GLB1: variants seen among roughly 807,000 people sequenced by gnomAD.
GLB1 encodes the protein beta-galactosidase.
GLB1 carries 56 observed loss-of-function variants against 74.0 expected under a neutral mutation model. The observed-to-expected ratio is 0.76, with a 90% confidence interval of 0.61 to 0.94. The LOEUF (loss-of-function observed/expected upper bound fraction) is 0.94, where lower values mean the gene tolerates loss of function less well. GLB1 is among the 40% of genes least tolerant of loss of function. The pLI is 0.00. For missense variants in GLB1, 787 were observed against 845.5 expected (o/e 0.93, Z 0.86); for synonymous variants, 323 against 323.6 (o/e 1.00, Z 0.02).
intron 15 of GLB1, among the ~76,000 whole-genome samples, chr3:33,007,019 G>A (rs1696815042): frequency 6.6e-6 from 1 of 152,142 alleles, no homozygotes; most frequent in Non-Finnish European, 1.5e-5. Context: ...TGTGGGAGTG[G>A]GATCTGCCTG....
chr3:33,091,872 T>A (rs1700778033), intron 1 of GLB1: 1 of 985,402 alleles, frequency 1.0e-6, no homozygotes. Context: ...CTTATCTCCA[T>A]CTCAGGATCA....
intron 10 of GLB1, among the ~76,000 whole-genome samples, chr3:33,035,422 A>T (rs552634807): frequency 6.6e-6 from 1 of 151,880 alleles, no homozygotes; most frequent in Admixed American, 6.5e-5. Context: ...ACAGAACAAG[A>T]CACTGTCTCA....
chr3:33,092,937 GCCTGGGCCAC>G lies in GLB1; in HGVS notation c.75+4064_75+4073del, dbSNP rs760703415. The G allele has an allele frequency of 1.9e-6, 3 of 1,614,210 alleles. No individual in the cohort carries two copies. In the Admixed American group the frequency reaches 5.0e-5, roughly 27 times the overall value. On this transcript the variant is annotated intron_variant, in intron 1 of 15. Coordinates refer to ENST00000307363, the MANE Select transcript of GLB1 (RefSeq NM_000404.4). ...GCCTGGGCTGACATACACGAATGTA[GCCTGGGCCAC>G]CTGGTAGAGACCAGCAAAGAAGGGA...
At chr3:32,981,072 C>G in the GLB1 span, among the ~76,000 whole-genome samples, 1 of 87,964 alleles carries the variant, frequency 1.1e-5, no homozygotes, top group African/African-American at 4.5e-5. Context: ...GCCTGGGCAA[C>G]AAAGCGAGAC....
chr3:33,062,838 C>T (rs373858598), intron 5 of GLB1, among the ~76,000 whole-genome samples: 48 of 152,304 alleles, frequency 3.2e-4, no homozygotes, highest in African/African-American at 8.2e-4. Flanking sequence ...ACAAATCCCC[C>T]GGTTCCTTCT....
In GLB1 at chr3:33,074,381, G is replaced by GAAAGAAAGAAAGAAAGAAAGAAAGA. The variant is rs1559412918; in HGVS notation, c.76-1669_76-1668insTCTTTCTTTCTTTCTTTCTTTCTTT. ...GGAAGGAAGGAAGGAAGGAAGGAAGGAAGGAAGGAAGAAAGAAAGAAAGAA... is the reference window on the plus strand; with the variant it reads ...GGAAGGAAGGAAGGAAGGAAGGAAGGAAAGAAAGAAAGAAAGAAAGAAAGAAAGGAAGGAAGAAAGAAAGAAAGAA... On this transcript the variant is annotated intron_variant, in intron 1 of 15. Transcript: ENST00000307363. Among the ~76,000 whole-genome samples, 79 of 9,500 alleles carry GAAAGAAAGAAAGAAAGAAAGAAAGA rather than the reference G, an allele frequency of 8.3e-3. 11 individuals are homozygous for GAAAGAAAGAAAGAAAGAAAGAAAGA. The highest frequency in any genetic ancestry group is 0.013 in the Admixed American group (5 of 372). The allele number at this position is 9,500 out of a possible 152,430, so 6.2% of individuals were successfully genotyped here.
At chr3:33,057,940 G>C (rs1331586806) in intron 6 of GLB1, 149 bp downstream of exon 6, 9 of 1,058,576 alleles carry the variant, frequency 8.5e-6, no homozygotes, top group Non-Finnish European at 1.1e-5. Flanking sequence ...ACTGAGGGGT[G>C]CAAGTATTCT....
Position 33,093,431 on chromosome 3 carries a change from C to G in GLB1, c.75+3580G>C. ...GGCCCAGAGGAGCGACAGCCGTCCG[C>G]AGGACCGAGGCTTCTGAGTCGGAGA... is the stretch of plus-strand genomic sequence containing the variant. On this transcript the variant is annotated intron_variant, in intron 1 of 15. Coordinates refer to ENST00000307363, the MANE Select transcript of GLB1 (RefSeq NM_000404.4). The surrounding 1 kb of genome is among the most constrained non-coding windows in gnomAD (Gnocchi z 6.0). The G allele has an allele frequency of 6.2e-7, 1 of 1,614,162 alleles. No homozygotes were observed. The highest frequency in any genetic ancestry group is 1.1e-5 in the South Asian group (1 of 91,080).
chr3:33,074,588 A>G (rs1392382775), intron 1 of GLB1, among the ~76,000 whole-genome samples: 1 of 151,956 alleles, frequency 6.6e-6, no homozygotes, highest in Admixed American at 6.6e-5. Context: ...TTTGAAAGGC[A>G]AGACCTCAAC....
chr3:33,078,482 T>G (rs2125563515), intron 1 of GLB1, among the ~76,000 whole-genome samples: 1 of 152,300 alleles, frequency 6.6e-6, no homozygotes, highest in East Asian at 1.9e-4. Context: ...CGAAGTACAG[T>G]CTCATCTAGA....
chr3:32,967,434 G>A, the GLB1 span, among the ~76,000 whole-genome samples: 5 of 152,316 alleles, frequency 3.3e-5, no homozygotes, highest in South Asian at 1.0e-3. Context: ...AGGCATGGTG[G>A]TGTGTGCCTA....
At chr3:32,969,906 T>A in the GLB1 span, among the ~76,000 whole-genome samples, 1 of 152,262 alleles carries the variant, frequency 6.6e-6, no homozygotes, top group South Asian at 2.1e-4. Flanking sequence ...CCCCGGGAGT[T>A]CAGGAAACAG....
the GLB1 span, among the ~76,000 whole-genome samples, chr3:32,966,907 A>G: frequency 2.0e-5 from 3 of 152,132 alleles, no homozygotes; most frequent in Non-Finnish European, 4.4e-5. Flanking sequence ...GCCTCCTGCC[A>G]TGATTGTGAG....
At chr3:33,061,083 G>A (rs772459891) in intron 5 of GLB1, among the ~76,000 whole-genome samples, 20 of 152,176 alleles carry the variant, frequency 1.3e-4, no homozygotes, top group African/African-American at 9.7e-5. Flanking sequence ...GAGGAACACC[G>A]ATGTTTCTAG....
intron 9 of GLB1, among the ~76,000 whole-genome samples, chr3:33,051,403 C>T (rs957515340): frequency 6.6e-6 from 1 of 151,126 alleles, no homozygotes; most frequent in African/African-American, 2.4e-5. Flanking sequence ...TCAAGACCAG[C>T]CTGGCCAACA....
intron 9 of GLB1, among the ~76,000 whole-genome samples, chr3:33,047,859 C>G (rs1057442430): frequency 6.6e-6 from 1 of 152,136 alleles, no homozygotes; most frequent in South Asian, 2.1e-4. Context: ...CCATTTCCCC[C>G]ATTTCTTATT....
the GLB1 span, among the ~76,000 whole-genome samples, chr3:32,965,379 G>A: frequency 6.6e-6 from 1 of 152,172 alleles, no homozygotes; most frequent in African/African-American, 2.4e-5. Flanking sequence ...TTGGGGACTG[G>A]AGCAAAGGTG....
chr3:33,060,227 T>C (rs34103134), intron 5 of GLB1, among the ~76,000 whole-genome samples: 21,792 of 152,154 alleles, frequency 0.14, 1,711 homozygotes, highest in Admixed American at 0.19. Context: ...ACTTTCAGAT[T>C]TGGGGTTCAA....
chr3:33,034,302 A>G, intron 10 of GLB1: 1 of 730,674 alleles, frequency 1.4e-6, no homozygotes, highest in Non-Finnish European at 2.5e-6. Flanking sequence ...AAGATCAACA[A>G]CGCTTACACC....
Sources: gnomAD v4.1 joint callset for allele counts (sites outside exome capture counted in the v4.1 genomes callset) on GRCh38, gnomAD v4.1.1 for gene constraint, Gnocchi (gnomAD v3.1) non-coding constraint, MANE v1.5 for transcripts, NCBI Gene and HGNC (gene_info 2026-07-23, HGNC 2026-07-21) for gene names.